Variants in C5orf15 observed in about 807,000 individuals in gnomAD.
C5orf15 encodes the protein chromosome 5 open reading frame 15, also known as keratinocyte-associated transmembrane protein 2.
In C5orf15, 10 loss-of-function variants were observed where a neutral mutation model predicts 17.8. That is an observed-to-expected ratio of 0.56 (90% CI 0.35 to 0.95). The LOEUF is 0.95. Among genes scored for constraint, C5orf15 ranks in the 40% least tolerant of loss-of-function variants. C5orf15 has a pLI of 0.02. For missense variants in C5orf15, 319 were observed against 331.7 expected (o/e 0.96, Z 0.30); for synonymous variants, 124 against 131.0 (o/e 0.95, Z 0.36).
chr5:133,961,600 T>G (rs1752126960), intron 1 of C5orf15, among the ~76,000 whole-genome samples: 1 of 151,558 alleles, frequency 6.6e-6, no homozygotes, highest in African/African-American at 2.4e-5. Flanking sequence ...TCCCTTTTTT[T>G]TTTTTGACAG....
intron 2 of C5orf15, 65 bp from the exon 3 acceptor site, chr5:133,957,055 A>G: frequency 7.5e-7 from 1 of 1,328,832 alleles, no homozygotes; most frequent in Non-Finnish European, 1.1e-6. Flanking sequence ...CATTTTTATA[A>G]CAAGTAAAAT....
At chr5:133,960,466 T>C (rs533390040) in intron 1 of C5orf15, among the ~76,000 whole-genome samples, 3 of 152,106 alleles carry the variant, frequency 2.0e-5, no homozygotes, top group Non-Finnish European at 2.9e-5. Context: ...AAAAAAGATA[T>C]GGAGTTTGGA....
chr5:133,966,044 G>A (rs1367897668), intron 1 of C5orf15, among the ~76,000 whole-genome samples: 1 of 152,092 alleles, frequency 6.6e-6, no homozygotes, highest in Non-Finnish European at 1.5e-5. Flanking sequence ...ATAACACGGT[G>A]AAACCCCGTC....
At chr5:133,962,689 C>T (rs1235986286) in intron 1 of C5orf15, among the ~76,000 whole-genome samples, 1 of 152,154 alleles carries the variant, frequency 6.6e-6, no homozygotes, top group East Asian at 1.9e-4. Context: ...CTCCCAGAGT[C>T]ATTATTTATT....
At chr5:133,960,408 T>A (rs781161212) in intron 1 of C5orf15, among the ~76,000 whole-genome samples, 20 of 152,136 alleles carry the variant, frequency 1.3e-4, no homozygotes, top group Non-Finnish European at 2.6e-4. Flanking sequence ...CTTTACCTGA[T>A]CCCTAGAACA....
chr5:133,957,130 C>T (rs1184738227), intron 2 of C5orf15, 140 bp from the exon 3 acceptor site: 8 of 701,648 alleles, frequency 1.1e-5, no homozygotes, highest in African/African-American at 5.6e-5. Flanking sequence ...TATTTTAGGC[C>T]GAGGCAGGCA....
Position 133,959,679 on chromosome 5 carries a change from C to T in C5orf15, c.481G>A (p.Asp161Asn). 1.9e-6 allele frequency: 3 copies of T among 1,613,572 alleles called. No homozygotes were observed. The South Asian group carries it at 3.3e-5, about 18-fold the overall frequency. The change falls in exon 2 of 3, where the codon GAC (aspartate) becomes AAC (asparagine). Residue 161 changes from aspartate (D) to asparagine (N), a missense_variant. By Grantham distance (23) the Asp-to-Asn change is conservative (BLOSUM62 1). Transcript: ENST00000231512. ...AAGGTGTCATCAGACTCGTCGTCGT[C>T]CCTGGGGCCCGTGGTCCAGTCATAG... is the stretch of plus-strand genomic sequence containing the variant. ...PDYDWTTGPR[D>N]DDESDDTLEE... is the part of the protein sequence containing the mutation.
At chr5:133,968,242 C>G (rs1752224903) in intron 1 of C5orf15, among the ~76,000 whole-genome samples, 1 of 152,112 alleles carries the variant, frequency 6.6e-6, no homozygotes, top group African/African-American at 2.4e-5. Context: ...GACCCCGCTT[C>G]TCAGGCCCCT....
Position 133,957,887 on chromosome 5 carries a change from G to C in C5orf15, c.667-897C>G, listed in dbSNP as rs1052852624. On this transcript the variant is annotated intron_variant, in intron 2 of 2. Coordinates refer to ENST00000231512, the MANE Select transcript of C5orf15 (RefSeq NM_020199.3). ...AGTAAGTATTAAAAAGGAACTGTGTGTTTGATCTCCCTTTAAGGATTTTAA... is the reference window on the plus strand; with the variant it reads ...AGTAAGTATTAAAAAGGAACTGTGTCTTTGATCTCCCTTTAAGGATTTTAA... 4.6e-5 allele frequency among the ~76,000 whole-genome samples: 7 copies of C among 152,218 alleles called. No individual in the cohort carries two copies. In the South Asian group the frequency reaches 1.0e-3, roughly 23 times the overall value.
At chr5:133,958,662 T>C (rs1438806685) in intron 2 of C5orf15, among the ~76,000 whole-genome samples, 2 of 149,916 alleles carry the variant, frequency 1.3e-5, no homozygotes, top group Admixed American at 6.7e-5. Context: ...ATAAATTATA[T>C]GCACATTTAT....
intron 1 of C5orf15, among the ~76,000 whole-genome samples, chr5:133,962,699 T>C (rs1752142214): frequency 6.6e-6 from 1 of 152,162 alleles, no homozygotes; most frequent in South Asian, 2.1e-4. Context: ...CATTATTTAT[T>C]ATCACAATTC....
At chr5:133,963,280 C>T (rs1752147843) in intron 1 of C5orf15, among the ~76,000 whole-genome samples, 1 of 152,192 alleles carries the variant, frequency 6.6e-6, no homozygotes, top group African/African-American at 2.4e-5. Context: ...ACATCACTTC[C>T]TAACTTTTCT....
intron 1 of C5orf15, among the ~76,000 whole-genome samples, chr5:133,961,575 G>T (rs775803594): frequency 9.6e-4 from 141 of 146,378 alleles, no homozygotes; most frequent in Admixed American, 2.3e-3. Flanking sequence ...CAATAAATTA[G>T]TAAAACTCTC....
chr5:133,959,404 C>CAAA (rs397999300), intron 2 of C5orf15, 90 bp downstream of exon 2: 10,365 of 124,472 alleles, frequency 0.083, 1,973 homozygotes, highest in Admixed American at 0.12. Context: ...CTTTTTTTTG[C>CAAA]AAAAAAAAAA....
chr5:133,961,716 A>G (rs1034621954), intron 1 of C5orf15, among the ~76,000 whole-genome samples: 2 of 151,478 alleles, frequency 1.3e-5, no homozygotes, highest in East Asian at 1.9e-4. Context: ...CCACAGGCAC[A>G]TGCTACCCTG....
rs772193293 is a variant in C5orf15, at chr5:133,959,983, G to T, written c.177C>A (p.Leu59=). The T allele has an allele frequency of 6.2e-7, 1 of 1,613,032 alleles. No homozygotes were observed. The highest frequency in any genetic ancestry group is 1.1e-5 in the South Asian group (1 of 91,040). The change falls in exon 2 of 3, where the codon CTC becomes CTA. Residue 59 remains leucine, a synonymous_variant. Transcript: ENST00000231512. Reference sequence around the variant, plus strand: ...CATTTGGGGTAGAAATATGTGAGTTGAGTACGGTTGGGCTCGGTGAATCAG... The same window carrying T: ...CATTTGGGGTAGAAATATGTGAGTTTAGTACGGTTGGGCTCGGTGAATCAG... The part of the protein sequence containing the change: ...SRTDSPSPTV[L]NSHISTPNVN...
At chr5:133,965,708 T>A (rs575251880) in intron 1 of C5orf15, among the ~76,000 whole-genome samples, 37 of 150,570 alleles carry the variant, frequency 2.5e-4, no homozygotes, top group African/African-American at 8.8e-4. Flanking sequence ...AGTGGATCGC[T>A]TAAGCACAGG....
rs1396230244 is a variant in C5orf15 at position 133,956,879 on chromosome 5, T to C, written c.778A>G (p.Thr260Ala). 1 of 1,594,306 alleles carries C rather than the reference T, an allele frequency of 6.3e-7. No homozygotes were observed. The highest frequency in any genetic ancestry group is 8.5e-7 in the Non-Finnish European group (1 of 1,173,316). Residue 260 changes from threonine to alanine, a missense_variant, in exon 3 of 3, where the codon ACC (threonine) becomes GCC (alanine). Thr to Ala is a moderately conservative substitution (Grantham distance 58). This residue lies in a region of C5orf15 where 175 missense variants were observed against 192.4 expected (regional missense o/e 0.91). Coordinates refer to ENST00000231512, the MANE Select transcript of C5orf15 (RefSeq NM_020199.3). ...VNEAMPSLKI[T>A]NDYIF Reference sequence around the variant, plus strand: ...GTGCTTTAAAAAATATAATCATTGGTAATCTTCAAAGAAGGCATTGCCTCA... The same window carrying C: ...GTGCTTTAAAAAATATAATCATTGGCAATCTTCAAAGAAGGCATTGCCTCA...
chr5:133,961,086 C>G (rs1238316462), intron 1 of C5orf15, among the ~76,000 whole-genome samples: 1 of 151,728 alleles, frequency 6.6e-6, no homozygotes, highest in Non-Finnish European at 1.5e-5. Context: ...CACAAGTTAA[C>G]AATCCAACAG....
Sources: gnomAD v4.1 joint callset for allele counts (sites outside exome capture counted in the v4.1 genomes callset) on GRCh38, gnomAD v4.1.1 for gene constraint, gnomAD v4.1.1 regional missense constraint, MANE v1.5 for transcripts, NCBI Gene and HGNC (gene_info 2026-07-23, HGNC 2026-07-21) for gene names.